ACVR2A: variants seen among roughly 807,000 people sequenced by gnomAD.
ACVR2A encodes the protein activin A receptor type 2A, also known as activin receptor type-2A.
ACVR2A carries 7 observed loss-of-function variants against 61.4 expected under a neutral mutation model. That is an observed-to-expected ratio of 0.11 (90% confidence interval 0.06 to 0.21). The LOEUF is 0.21. Among genes scored for constraint, ACVR2A ranks in the 10% least tolerant of loss-of-function variants. The pLI is 1.00. For synonymous variants in ACVR2A, 193 were observed against 208.3 expected (o/e 0.93, Z 0.63); for missense variants, 322 against 621.7 (o/e 0.52, Z 5.13).
At chr2:147,865,183 C>A (rs1685822734) in intron 1 of ACVR2A, among the ~76,000 whole-genome samples, 1 of 152,082 alleles carries the variant, frequency 6.6e-6, no homozygotes. Flanking sequence ...GTGTTTATTA[C>A]CACAGTCCTA....
intron 5 of ACVR2A, 84 bp from the exon 6 acceptor site, chr2:147,917,199 G>C: frequency 7.4e-7 from 1 of 1,348,724 alleles, no homozygotes; most frequent in Admixed American, 3.1e-5. Context: ...GTTTTACTTT[G>C]GAACTTATTT....
chr2:147,880,985 C>T (rs1686284838), intron 1 of ACVR2A, among the ~76,000 whole-genome samples: 1 of 152,130 alleles, frequency 6.6e-6, no homozygotes, highest in Admixed American at 6.6e-5. Context: ...GGAAATCTAT[C>T]CCTTTTATAA....
Position 147,927,500 on chromosome 2 carries a change from A to C in ACVR2A, c.*226A>C, listed in dbSNP as rs1687531400. ...CTAAGAGAAACCTTGCAAACTCTATAAAGAAACTTTTGAAAAAGTGTACAT... is the reference window on the plus strand; with the variant it reads ...CTAAGAGAAACCTTGCAAACTCTATCAAGAAACTTTTGAAAAAGTGTACAT... On this transcript the variant is annotated 3_prime_UTR_variant, in exon 11 of 11. Coordinates refer to ENST00000241416, the MANE Select transcript of ACVR2A (RefSeq NM_001616.5). 4 of 402,832 alleles carry C rather than the reference A, an allele frequency of 9.9e-6. No homozygotes were observed. The Admixed American group carries it at 1.8e-4, about 18-fold the overall frequency. 25.0% of individuals were successfully genotyped at this position (402,832 alleles called of 1,614,324 possible).
chr2:147,901,730 T>C (rs1686875612), intron 4 of ACVR2A, among the ~76,000 whole-genome samples: 1 of 152,044 alleles, frequency 6.6e-6, no homozygotes, highest in Non-Finnish European at 1.5e-5. Context: ...CAAGCTTTGG[T>C]ATGAAAAATA....
chr2:147,916,125 C>A (rs1468110511), intron 5 of ACVR2A, among the ~76,000 whole-genome samples: 2 of 151,752 alleles, frequency 1.3e-5, no homozygotes, highest in Non-Finnish European at 2.9e-5. Flanking sequence ...AGATTTTAAC[C>A]TTTTTACCTC....
intron 1 of ACVR2A, among the ~76,000 whole-genome samples, chr2:147,892,047 C>T (rs576550930): frequency 1.0e-3 from 158 of 152,114 alleles, no homozygotes; most frequent in African/African-American, 3.5e-3. Flanking sequence ...TCTCGGCTCA[C>T]TGCAACCTCC....
intron 1 of ACVR2A, among the ~76,000 whole-genome samples, chr2:147,893,439 A>G (rs1686640174): frequency 6.7e-6 from 1 of 148,754 alleles, no homozygotes; most frequent in African/African-American, 2.4e-5. Flanking sequence ...TTTTAACTTT[A>G]AGAAGCTGTA....
At position 147,927,498 on chromosome 2, in the gene ACVR2A, A is replaced by G; in HGVS notation, c.*224A>G. 4.9e-6 allele frequency: 2 copies of G among 407,648 alleles called. No individual in the cohort carries two copies. The highest frequency in any genetic ancestry group is 8.6e-6 in the Non-Finnish European group (2 of 233,892). 25.3% of individuals were successfully genotyped at this position (407,648 alleles called of 1,614,324 possible). A position where few individuals can be genotyped will look rare whatever the true frequency, so the allele number is the denominator to read the frequency against. ...GACTAAGAGAAACCTTGCAAACTCT[A>G]TAAAGAAACTTTTGAAAAAGTGTAC... On this transcript the variant is annotated 3_prime_UTR_variant, in exon 11 of 11. Coordinates refer to ENST00000241416, the MANE Select transcript of ACVR2A (RefSeq NM_001616.5).
At chr2:147,888,745 TAGAG>T (rs1686506311) in intron 1 of ACVR2A, among the ~76,000 whole-genome samples, 1 of 151,314 alleles carries the variant, frequency 6.6e-6, no homozygotes, top group Non-Finnish European at 1.5e-5. Flanking sequence ...CATCTGCAAA[TAGAG>T]GGAGTTTTAT....
At chr2:147,883,943 G>A (rs1487454622) in intron 1 of ACVR2A, among the ~76,000 whole-genome samples, 1 of 152,062 alleles carries the variant, frequency 6.6e-6, no homozygotes, top group Non-Finnish European at 1.5e-5. Context: ...TTATTAAAAA[G>A]AGGGCCTGCA....
At chr2:147,883,410 A>G (rs1393135200) in intron 1 of ACVR2A, among the ~76,000 whole-genome samples, 2 of 152,126 alleles carry the variant, frequency 1.3e-5, no homozygotes, top group East Asian at 1.9e-4. Flanking sequence ...AGGCTGGTCT[A>G]AAACTCCTGA....
intron 1 of ACVR2A, among the ~76,000 whole-genome samples, chr2:147,855,865 C>T (rs1403274415): frequency 6.6e-6 from 1 of 152,072 alleles, no homozygotes; most frequent in Non-Finnish European, 1.5e-5. Flanking sequence ...TTAAGCATTC[C>T]TATTTCTCTC....
chr2:147,915,145 G>T (rs377706992), intron 4 of ACVR2A, 46 bp from the exon 5 acceptor site: 1 of 1,583,156 alleles, frequency 6.3e-7, no homozygotes, highest in Non-Finnish European at 8.6e-7. Context: ...GAGTTGGTGT[G>T]TGTCATGTTC....
chr2:147,852,826 G>C (rs968375007), intron 1 of ACVR2A, among the ~76,000 whole-genome samples: 2 of 152,104 alleles, frequency 1.3e-5, no homozygotes, highest in Non-Finnish European at 2.9e-5. Context: ...AGCCATTTGA[G>C]AGTAAACTTG....
intron 2 of ACVR2A, 139 bp downstream of exon 2, chr2:147,896,647 A>G: frequency 1.4e-6 from 1 of 712,906 alleles, no homozygotes; most frequent in African/African-American, 1.8e-5. Context: ...AAAGAACATT[A>G]TAACATGCTG....
intron 1 of ACVR2A, among the ~76,000 whole-genome samples, chr2:147,859,348 A>G (rs1166704614): frequency 6.6e-6 from 1 of 152,066 alleles, no homozygotes; most frequent in Non-Finnish European, 1.5e-5. Context: ...TAACAAAACT[A>G]AAAAGAGCTT....
At position 147,928,110 on chromosome 2, in the gene ACVR2A, GT is replaced by G. The variant is rs1364042577; in HGVS notation, c.*840del. 6.6e-6 allele frequency: 1 copy of G among 152,048 alleles called. No homozygotes were observed. The highest frequency in any genetic ancestry group is 1.5e-5 in the Non-Finnish European group (1 of 67,804). 9.4% of individuals were successfully genotyped at this position (152,048 alleles called of 1,614,324 possible). A position where few individuals can be genotyped will look rare whatever the true frequency, so the allele number is the denominator to read the frequency against. ...GGTGTCATTTCCCCCTTCTTCCCAT[GT>G]TTTAAAGCCCCATCTTATATCCAGT... On this transcript the variant is annotated 3_prime_UTR_variant, in exon 11 of 11. Transcript: ENST00000241416.
chr2:147,901,963 T>A (rs982182878), intron 4 of ACVR2A, among the ~76,000 whole-genome samples: 17 of 152,138 alleles, frequency 1.1e-4, no homozygotes, highest in African/African-American at 3.9e-4. Context: ...ATCTTCTATT[T>A]CAAAATAATG....
chr2:147,865,121 A>C (rs1685820822), intron 1 of ACVR2A, among the ~76,000 whole-genome samples: 1 of 151,986 alleles, frequency 6.6e-6, no homozygotes, highest in South Asian at 2.1e-4. Flanking sequence ...TTTCTTTCTG[A>C]ATTTATTGCT....
Sources: gnomAD v4.1 joint callset for allele counts (sites outside exome capture counted in the v4.1 genomes callset) on GRCh38, gnomAD v4.1.1 for gene constraint, MANE v1.5 for transcripts, NCBI Gene and HGNC (gene_info 2026-07-23, HGNC 2026-07-21) for gene names.